The following CLSTN2 variants were observed in gnomAD, a reference collection of about 807,000 sequenced individuals.
CLSTN2 encodes calsyntenin-2.
A neutral mutation model predicts 101.2 loss-of-function variants in CLSTN2; 48 were observed. The ratio of observed to expected loss-of-function variants is 0.47; its 90% CI spans 0.38 to 0.60. The LOEUF (loss-of-function observed/expected upper bound fraction) is 0.60, where lower values mean the gene tolerates loss of function less well. CLSTN2 is among the 20% of genes least tolerant of loss of function. The pLI is 0.00. For synonymous variants in CLSTN2, 481 were observed against 463.6 expected (o/e 1.04, Z -0.48); for missense variants, 1,160 against 1,238.2 (o/e 0.94, Z 0.95).
intron 1 of CLSTN2, among the ~76,000 whole-genome samples, chr3:140,107,980 C>T (rs1481250783): frequency 6.6e-5 from 10 of 152,158 alleles, no homozygotes; most frequent in South Asian, 2.1e-4. Context: ...TGATCTGAGC[C>T]GAGTCCATTG....
chr3:140,520,812 C>T (rs551732539), intron 8 of CLSTN2, among the ~76,000 whole-genome samples: 18 of 152,340 alleles, frequency 1.2e-4, no homozygotes, highest in Admixed American at 3.3e-4. Context: ...ATCATAGGTT[C>T]TGTCTCTTTA....
chr3:140,550,611 G>A (rs1382908271), intron 10 of CLSTN2, among the ~76,000 whole-genome samples: 4 of 152,102 alleles, frequency 2.6e-5, no homozygotes, highest in African/African-American at 9.7e-5. Flanking sequence ...TTCCAGGCAG[G>A]CACAGTTTCA....
At chr3:140,284,308 C>T (rs988436918) in intron 2 of CLSTN2, among the ~76,000 whole-genome samples, 2 of 152,026 alleles carry the variant, frequency 1.3e-5, no homozygotes, top group South Asian at 2.1e-4. Context: ...AAGCACTGTG[C>T]TGGGACTGCC....
At chr3:139,952,274 T>A (rs976417273) in intron 1 of CLSTN2, among the ~76,000 whole-genome samples, 3 of 152,166 alleles carry the variant, frequency 2.0e-5, no homozygotes, top group Non-Finnish European at 4.4e-5. Flanking sequence ...TCCTTATGCG[T>A]CACCATATTT....
chr3:139,997,012 A>T (rs56038210), intron 1 of CLSTN2, among the ~76,000 whole-genome samples: 28,280 of 144,554 alleles, frequency 0.2, 3,115 homozygotes, highest in Admixed American at 0.35. Context: ...GCGCCATTGC[A>T]CTCCAGCCTG....
intron 1 of CLSTN2, among the ~76,000 whole-genome samples, chr3:140,078,395 T>C (rs997820137): frequency 1.2e-4 from 18 of 152,186 alleles, no homozygotes; most frequent in Admixed American, 1.0e-3. Flanking sequence ...AGCTCTATTT[T>C]TGCCAACATA....
At chr3:140,477,102 C>G (rs752182820) in intron 8 of CLSTN2, among the ~76,000 whole-genome samples, 2 of 152,174 alleles carry the variant, frequency 1.3e-5, no homozygotes, top group Non-Finnish European at 2.9e-5. Context: ...AAAGCAATAA[C>G]CCTGGAGGCC....
At position 140,548,673 on chromosome 3, in the gene CLSTN2, CTTCA is replaced by C. The variant is rs1252314013; in HGVS notation, c.1674+1993_1674+1996del. Reference sequence around the variant, plus strand: ...AGGAATAGCACAGTATTCACTAGAACTTCAACAAAGCCAGTGTTATGAGTCCCAA... The same window carrying C: ...AGGAATAGCACAGTATTCACTAGAACACAAAGCCAGTGTTATGAGTCCCAA... On this transcript the variant is annotated intron_variant, in intron 10 of 16. Coordinates refer to ENST00000458420, the MANE Select transcript of CLSTN2 (RefSeq NM_022131.3). Among the ~76,000 whole-genome samples the C allele has an allele frequency of 2.6e-3, 392 of 152,316 alleles. 3 individuals carry two copies. The highest frequency in any genetic ancestry group is 9.0e-3 in the African/African-American group (374 of 41,562).
intron 2 of CLSTN2, among the ~76,000 whole-genome samples, chr3:140,241,980 T>C (rs572509660): frequency 6.6e-6 from 1 of 151,968 alleles, no homozygotes; most frequent in African/African-American, 2.4e-5. Flanking sequence ...CAGTCTTGGC[T>C]CACTGCAACC....
chr3:140,414,564 G>A (rs2088405520), intron 4 of CLSTN2, among the ~76,000 whole-genome samples: 1 of 151,974 alleles, frequency 6.6e-6, no homozygotes, highest in East Asian at 1.9e-4. Context: ...TGGAGACTCA[G>A]AAGGAAAAGG....
chr3:140,105,026 A>G (rs1310257060), intron 1 of CLSTN2, among the ~76,000 whole-genome samples: 1 of 152,226 alleles, frequency 6.6e-6, no homozygotes, highest in Non-Finnish European at 1.5e-5. Flanking sequence ...GTGGTAATAT[A>G]GAAATCTTAT....
At position 140,320,003 on chromosome 3, in the gene CLSTN2, A is replaced by T. The variant is rs114111030; in HGVS notation, c.233-83626A>T. ...CACTGTATTCCAGTGTCCTAAACAA[A>T]CGTCCTTGTCATGCCATGAGAGGCA... is the stretch of plus-strand genomic sequence containing the variant. On this transcript the variant is annotated intron_variant, in intron 2 of 16. Transcript: ENST00000458420. 9.9e-3 allele frequency among the ~76,000 whole-genome samples: 1,514 copies of T among 152,212 alleles called. 23 individuals carry two copies. Among genetic ancestry groups the T allele is most frequent in the African/African-American group, 0.034 (1,406 of 41,522 alleles).
chr3:140,129,605 A>C (rs770348008), intron 1 of CLSTN2, among the ~76,000 whole-genome samples: 11 of 152,214 alleles, frequency 7.2e-5, no homozygotes, highest in Non-Finnish European at 1.2e-4. Context: ...GTTAAAGATA[A>C]GGACTGTATC....
At chr3:140,491,674 T>C (rs577158751) in intron 8 of CLSTN2, among the ~76,000 whole-genome samples, 1 of 152,190 alleles carries the variant, frequency 6.6e-6, no homozygotes, top group South Asian at 2.1e-4. Context: ...TCCAAAAAAT[T>C]AGCCAGACAT....
At chr3:140,349,028 A>T (rs925156605) in intron 2 of CLSTN2, among the ~76,000 whole-genome samples, 1 of 152,134 alleles carries the variant, frequency 6.6e-6, no homozygotes, top group African/African-American at 2.4e-5. Context: ...TGCAAGAAAA[A>T]TCTCATGGGA....
chr3:139,974,608 C>T (rs1353939614), intron 1 of CLSTN2, among the ~76,000 whole-genome samples: 1 of 152,168 alleles, frequency 6.6e-6, no homozygotes, highest in Admixed American at 6.5e-5. Flanking sequence ...ATATGTTGCA[C>T]TGAGTAAATT....
At chr3:140,170,554 A>T (rs7629111) in intron 1 of CLSTN2, among the ~76,000 whole-genome samples, 9,117 of 152,222 alleles carry the variant, frequency 0.06, 710 homozygotes, top group African/African-American at 0.18. Flanking sequence ...AGGATTAGTA[A>T]ATGTATGGAT....
intron 1 of CLSTN2, among the ~76,000 whole-genome samples, chr3:139,951,514 A>G (rs766972439): frequency 2.2e-4 from 34 of 152,188 alleles, no homozygotes; most frequent in Non-Finnish European, 5.0e-4. Context: ...CCAGTTAAGC[A>G]TGGGGACATC....
At chr3:139,967,288 T>C (rs1230310586) in intron 1 of CLSTN2, among the ~76,000 whole-genome samples, 1 of 152,222 alleles carries the variant, frequency 6.6e-6, no homozygotes, top group Non-Finnish European at 1.5e-5. Flanking sequence ...CTTCTATGAC[T>C]GGTCAAACAG....
Sources: allele counts gnomAD v4.1 joint callset (sites outside exome capture counted in the v4.1 genomes callset), GRCh38; gene constraint gnomAD v4.1.1; transcripts MANE v1.5; gene names NCBI Gene and HGNC (gene_info 2026-07-23, HGNC 2026-07-21).